The following USP34 variants were observed in gnomAD, a reference collection of about 807,000 sequenced individuals.
The protein encoded by USP34 is ubiquitin specific peptidase 34, also known as ubiquitin carboxyl-terminal hydrolase 34.
USP34 carries 70 observed loss-of-function variants against 460.3 expected under a neutral mutation model. The ratio of observed to expected loss-of-function variants is 0.15; its 90% CI spans 0.13 to 0.19. The LOEUF is 0.19. USP34 is among the 10% of genes least tolerant of loss of function. USP34 has a pLI of 1.00. For synonymous variants in USP34, 1,647 were observed against 1,405.3 expected (o/e 1.17, Z -3.85); for missense variants, 3,985 against 4,236.2 (o/e 0.94, Z 1.65).
rs369998085 is a variant in USP34 at position 61,442,230 on chromosome 2, G to C, written c.44-21397C>G. 6.6e-5 allele frequency among the ~76,000 whole-genome samples: 10 copies of C among 152,124 alleles called. No individual in the cohort carries two copies. In the East Asian group the frequency reaches 1.2e-3, roughly 18 times the overall value. ...GATTTTATGAATAAAGACTTCAAAA[G>C]CACAGGCAACAAACAACAAATGGAA... On this transcript the variant is annotated intron_variant, in intron 1 of 79. Transcript: ENST00000398571.
chr2:61,236,671 G>A (rs1688077979), intron 53 of USP34, among the ~76,000 whole-genome samples: 1 of 152,128 alleles, frequency 6.6e-6, no homozygotes, highest in Non-Finnish European at 1.5e-5. Flanking sequence ...TGAAGAGCAA[G>A]TATATAATTG....
At chr2:61,469,396 TA>T (rs1695880332) in intron 1 of USP34, among the ~76,000 whole-genome samples, 1 of 152,048 alleles carries the variant, frequency 6.6e-6, no homozygotes, top group South Asian at 2.1e-4. Context: ...GCGCCAGAAA[TA>T]AAAGTATCTC....
chr2:61,354,258 T>C (rs1031199338), intron 10 of USP34, among the ~76,000 whole-genome samples: 1 of 152,104 alleles, frequency 6.6e-6, no homozygotes, highest in Non-Finnish European at 1.5e-5. Flanking sequence ...AAACCACAAG[T>C]AACTTGTCAC....
intron 3 of USP34, among the ~76,000 whole-genome samples, chr2:61,398,865 T>TAA (rs749972709): frequency 5.3e-5 from 8 of 152,232 alleles, no homozygotes; most frequent in Non-Finnish European, 1.0e-4. Flanking sequence ...TTAAACCTCC[T>TAA]AAATCCACTC....
intron 27 of USP34, among the ~76,000 whole-genome samples, chr2:61,303,394 A>C (rs1351150001): frequency 6.6e-6 from 1 of 151,962 alleles, no homozygotes; most frequent in Non-Finnish European, 1.5e-5. Flanking sequence ...TAAAATTGCT[A>C]TTATATACTT....
At chr2:61,329,097 C>A (rs546033222) in intron 20 of USP34, among the ~76,000 whole-genome samples, 10 of 152,326 alleles carry the variant, frequency 6.6e-5, no homozygotes, top group African/African-American at 2.4e-4. Context: ...GCTCGGCTCA[C>A]TGCAACCTCC....
At chr2:61,282,451 C>T (rs1689562912) in intron 37 of USP34, among the ~76,000 whole-genome samples, 1 of 152,114 alleles carries the variant, frequency 6.6e-6, no homozygotes, top group South Asian at 2.1e-4. Flanking sequence ...AAATATATTT[C>T]TTTTATTTAT....
At chr2:61,449,669 G>A (rs1573054384) in intron 1 of USP34, among the ~76,000 whole-genome samples, 3 of 152,096 alleles carry the variant, frequency 2.0e-5, no homozygotes, top group Admixed American at 1.3e-4. Flanking sequence ...CCCTATATAT[G>A]TACAGGCAAA....
In USP34 at chr2:61,275,633, T is replaced by C. The variant is rs1020156704; in HGVS notation, c.5433+2532A>G. Among the ~76,000 whole-genome samples the C allele has an allele frequency of 3.9e-4, 59 of 151,454 alleles. 1 individual carries two copies. Among genetic ancestry groups the C allele is most frequent in the East Asian group, 1.9e-4 (1 of 5,170 alleles). Reference sequence around the variant, plus strand: ...ACCCTGTCCCTTTTTTTTTTTTAAATGAACTGTTTATATACTGAATTTGAA... The same window carrying C: ...ACCCTGTCCCTTTTTTTTTTTTAAACGAACTGTTTATATACTGAATTTGAA... On this transcript the variant is annotated intron_variant, in intron 41 of 79. Coordinates refer to ENST00000398571, the MANE Select transcript of USP34 (RefSeq NM_014709.4).
At chr2:61,459,355 A>G (rs13410367) in intron 1 of USP34, among the ~76,000 whole-genome samples, 2 of 152,222 alleles carry the variant, frequency 1.3e-5, no homozygotes, top group African/African-American at 2.4e-5. Context: ...AAAACACTGT[A>G]TAAGAAATTT....
At chr2:61,408,503 G>T (rs1342548803) in intron 2 of USP34, among the ~76,000 whole-genome samples, 1 of 152,054 alleles carries the variant, frequency 6.6e-6, no homozygotes, top group African/African-American at 2.4e-5. Context: ...CAATTCTATA[G>T]TATCACAACT....
At chr2:61,437,931 G>A (rs1275529126) in intron 1 of USP34, among the ~76,000 whole-genome samples, 2 of 151,896 alleles carry the variant, frequency 1.3e-5, no homozygotes, top group Non-Finnish European at 2.9e-5. Flanking sequence ...ATTTACAGAA[G>A]AATGAATACC....
intron 3 of USP34, among the ~76,000 whole-genome samples, chr2:61,404,305 G>A (rs1213876932): frequency 2.0e-5 from 3 of 152,018 alleles, no homozygotes; most frequent in Admixed American, 6.6e-5. Flanking sequence ...ATTCTCTAAT[G>A]GCCATAATTC....
intron 10 of USP34, among the ~76,000 whole-genome samples, chr2:61,368,301 G>A (rs186861422): frequency 1.1e-4 from 16 of 152,246 alleles, no homozygotes; most frequent in Middle Eastern, 3.4e-3. Context: ...GCGTGGTGGC[G>A]CGTGCCTGTA....
At chr2:61,236,456 A>G (rs1333883006) in intron 53 of USP34, 67 bp from the exon 54 acceptor site, 2 of 1,211,666 alleles carry the variant, frequency 1.7e-6, no homozygotes, top group African/African-American at 1.5e-5. Context: ...CAATATTTTT[A>G]TTAGACAAAA....
At chr2:61,445,359 C>A (rs1695081589) in intron 1 of USP34, among the ~76,000 whole-genome samples, 1 of 149,172 alleles carries the variant, frequency 6.7e-6, no homozygotes, top group Non-Finnish European at 1.5e-5. Context: ...CACAGTGAAA[C>A]CCCATCTCTA....
chr2:61,388,328 G>GC (rs1693232253), intron 5 of USP34, among the ~76,000 whole-genome samples: 1 of 151,930 alleles, frequency 6.6e-6, no homozygotes, highest in Admixed American at 6.6e-5. Context: ...GCAAGGATAT[G>GC]CAACTAGGGG....
At chr2:61,389,001 G>A (rs1446387715) in intron 5 of USP34, among the ~76,000 whole-genome samples, 1 of 151,428 alleles carries the variant, frequency 6.6e-6, no homozygotes, top group Admixed American at 6.6e-5. Flanking sequence ...TATAAATTTC[G>A]GCATTTAAAA....
chr2:61,300,858 T>C, intron 29 of USP34, 93 bp downstream of exon 29: 1 of 873,694 alleles, frequency 1.1e-6, no homozygotes. Flanking sequence ...ATTATATACT[T>C]TATAACGTTT....
Sources: gnomAD v4.1 joint callset for allele counts (sites outside exome capture counted in the v4.1 genomes callset) on GRCh38, gnomAD v4.1.1 for gene constraint, MANE v1.5 for transcripts, NCBI Gene and HGNC (gene_info 2026-07-23, HGNC 2026-07-21) for gene names.